DSC1: variants seen among roughly 807,000 people sequenced by gnomAD.
The protein encoded by DSC1 is desmocollin-1.
Under a neutral mutation model 98.8 loss-of-function variants are expected in DSC1, and 79 were observed. That is an observed-to-expected ratio of 0.80 (90% CI 0.67 to 0.96). The LOEUF (loss-of-function observed/expected upper bound fraction) is 0.96, where lower values mean the gene tolerates loss of function less well. Ranked by LOEUF, DSC1 falls within the 50% of genes least tolerant of loss-of-function variation. DSC1 has a pLI of 0.00. For synonymous variants in DSC1, 405 were observed against 372.1 expected (o/e 1.09, Z -1.02); for missense variants, 1,115 against 1,075.9 (o/e 1.04, Z -0.51).
Position 31,140,043 on chromosome 18 carries a change from T to G in DSC1, c.1519A>C (p.Arg507=), listed in dbSNP as rs1405927417. 6.2e-7 allele frequency: 1 copy of G among 1,613,564 alleles called. No homozygotes were observed. Among genetic ancestry groups the G allele is most frequent in the South Asian group, 1.1e-5 (1 of 91,012 alleles). The part of the protein sequence containing the change: ...DPEISSGEGL[R]YQKLGDEDNW... ...GGAGCTTTTTGAAAAGTACATCACC[T>G]TAAGCCTTCACCACTGGATATTTCC... The change falls in exon 10 of 16, where the codon AGG becomes CGG. Residue 507 remains arginine, a splice_region_variant and synonymous_variant. Coordinates refer to ENST00000257198, the MANE Select transcript of DSC1 (RefSeq NM_024421.2).
chr18:31,139,784 TG>T lies in DSC1; in HGVS notation c.1626del (p.Asn542LysfsTer22), dbSNP rs1988690687. On this transcript the variant is annotated frameshift_variant, in exon 11 of 16. Transcript: ENST00000257198. LOFTEE classifies it high-confidence loss of function. ...GCAACAACTGAAATATTGTATTGGT[TG>T]TTTTTTACAAATTTGGATTCTCTAT... ...VLDRESKFVK[N>X]NQYNISVVAV... The T allele has an allele frequency of 6.2e-7, 1 of 1,610,624 alleles. No homozygotes were observed. Among genetic ancestry groups the T allele is most frequent in the Non-Finnish European group, 8.5e-7 (1 of 1,178,874 alleles).
intron 1 of DSC1, among the ~76,000 whole-genome samples, chr18:31,161,202 G>GA (rs755405723): frequency 6.6e-6 from 1 of 152,016 alleles, no homozygotes; most frequent in East Asian, 1.9e-4. Context: ...TTTAGATATA[G>GA]AAAAAGTACA....
intron 5 of DSC1, among the ~76,000 whole-genome samples, chr18:31,151,396 A>C (rs1433986064): frequency 6.6e-6 from 1 of 152,220 alleles, no homozygotes; most frequent in Non-Finnish European, 1.5e-5. Context: ...TAAATATGTT[A>C]TTTAGTCAAC....
intron 14 of DSC1, chr18:31,132,357 C>T (rs1023425348): frequency 7.7e-6 from 4 of 519,528 alleles, no homozygotes; most frequent in Non-Finnish European, 9.8e-6. Flanking sequence ...CAATACTTGT[C>T]TGTTGTTTAA....
intron 15 of DSC1, 29 bp downstream of exon 15, chr18:31,131,565 A>G: frequency 6.2e-7 from 1 of 1,610,404 alleles, no homozygotes. Context: ...ACTTCCATGT[A>G]ATATGACCTC....
intron 7 of DSC1, among the ~76,000 whole-genome samples, chr18:31,145,244 C>G (rs1022517127): frequency 6.6e-6 from 1 of 152,080 alleles, no homozygotes; most frequent in Non-Finnish European, 1.5e-5. Flanking sequence ...GCCTGGCCCC[C>G]GTCTGTACTT....
In DSC1 at chr18:31,142,035, A is replaced by G; in HGVS notation, c.1224T>C (p.Asp408=). ...NENGNFIIST[D]PNTNEGVLCV... ...ACAGCACTCCTTCATTTGTATTTGG[A>G]TCTGTGCTAATTATGAAGTTTCCAT... The change falls in exon 9 of 16, where the codon GAT becomes GAC. Residue 408 remains aspartate (D), a synonymous_variant. Coordinates refer to ENST00000257198, the MANE Select transcript of DSC1 (RefSeq NM_024421.2). The G allele has an allele frequency of 1.9e-6, 3 of 1,610,648 alleles. No homozygotes were observed. Among genetic ancestry groups the G allele is most frequent in the Non-Finnish European group, 2.5e-6 (3 of 1,179,186 alleles).
rs1261109112 is a variant in DSC1 at position 31,139,890 on chromosome 18, C to T, written c.1521G>A (p.Arg507=). The change falls in exon 11 of 16, where the codon AGG becomes AGA. Residue 507 remains arginine, a splice_region_variant and synonymous_variant. Coordinates refer to ENST00000257198, the MANE Select transcript of DSC1 (RefSeq NM_024421.2). ...TATCTTCATCCCCTAACTTCTGATA[C>T]CTAATTTTTAGAAATCAAATATGAA... is the stretch of plus-strand genomic sequence containing the variant. ...DPEISSGEGL[R]YQKLGDEDNW... is the part of the protein sequence containing the mutation. The T allele has an allele frequency of 1.3e-6, 2 of 1,593,858 alleles. No individual in the cohort carries two copies. The highest frequency in any genetic ancestry group is 1.1e-5 in the South Asian group (1 of 87,502).
intron 13 of DSC1, among the ~76,000 whole-genome samples, chr18:31,133,299 G>T (rs1010762440): frequency 6.6e-6 from 1 of 152,052 alleles, no homozygotes; most frequent in African/African-American, 2.4e-5. Flanking sequence ...TTAATTAAGC[G>T]TGGGCAATAT....
intron 5 of DSC1, among the ~76,000 whole-genome samples, chr18:31,150,213 CCAT>C (rs1988940758): frequency 1.4e-5 from 2 of 145,718 alleles, no homozygotes; most frequent in South Asian, 4.5e-4. Flanking sequence ...ACCACCACCA[CCAT>C]CACCACCACT....
intron 11 of DSC1, among the ~76,000 whole-genome samples, chr18:31,137,607 G>C (rs769726437): frequency 1.6e-4 from 25 of 152,232 alleles, no homozygotes; most frequent in East Asian, 3.9e-4. Context: ...AAGCTTGTTA[G>C]GAGAACAGAA....
chr18:31,140,839 A>G (rs1226817557), intron 9 of DSC1, among the ~76,000 whole-genome samples: 2 of 152,194 alleles, frequency 1.3e-5, no homozygotes, highest in Non-Finnish European at 1.5e-5. Flanking sequence ...TCCCACCCAC[A>G]TCTCAACTTG....
chr18:31,162,189 C>G (rs1458698368), intron 1 of DSC1, among the ~76,000 whole-genome samples: 1 of 152,164 alleles, frequency 6.6e-6, no homozygotes, highest in Non-Finnish European at 1.5e-5. Flanking sequence ...TTTATGTAAT[C>G]ACTGGTAGCA....
At chr18:31,135,753 C>A (rs1658111) in intron 11 of DSC1, among the ~76,000 whole-genome samples, 85 of 151,948 alleles carry the variant, frequency 5.6e-4, no homozygotes, top group South Asian at 1.2e-3. Context: ...TGTCAAATCC[C>A]ACCATTTGTA....
intron 2 of DSC1, among the ~76,000 whole-genome samples, chr18:31,158,077 G>A (rs1989136414): frequency 1.3e-5 from 2 of 152,086 alleles, no homozygotes; most frequent in African/African-American, 4.8e-5. Context: ...GATCAGCCTG[G>A]CCAATATGGT....
At chr18:31,146,711 A>G (rs1486946869) in intron 6 of DSC1, among the ~76,000 whole-genome samples, 2 of 152,338 alleles carry the variant, frequency 1.3e-5, no homozygotes, top group East Asian at 3.9e-4. Flanking sequence ...CCAATGGCAT[A>G]TAAGTGTTCA....
Position 31,143,803 on chromosome 18 carries a change from G to T in DSC1, c.940-12C>A, listed in dbSNP as rs774155683. 1 of 1,538,010 alleles carries T rather than the reference G, an allele frequency of 6.5e-7. No individual in the cohort carries two copies. Among genetic ancestry groups the T allele is most frequent in the South Asian group, 1.3e-5 (1 of 77,082 alleles). ...TAAGTATCACATTTCTGAAAAAAAG[G>T]AAAAAACTACATTAATGAACACTTT... On this transcript the variant is annotated splice_polypyrimidine_tract_variant and intron_variant, in intron 7 of 15. Transcript: ENST00000257198.
At chr18:31,154,994 T>C in intron 4 of DSC1, 65 bp from the exon 5 acceptor site, 2 of 1,563,328 alleles carry the variant, frequency 1.3e-6, no homozygotes, top group Non-Finnish European at 1.7e-6. Context: ...TAACCTCTTG[T>C]GATGGTTTAT....
Position 31,132,746 on chromosome 18 carries a change from A to AT in DSC1, c.2117-58dup, listed in dbSNP as rs1443105983. The AT allele has an allele frequency of 1.1e-5, 16 of 1,517,562 alleles. No homozygotes were observed. In the East Asian group the frequency reaches 3.3e-4, roughly 31 times the overall value. 94.0% of individuals were successfully genotyped at this position (1,517,562 alleles called of 1,614,324 possible). A position where few individuals can be genotyped will look rare whatever the true frequency, so the allele number is the denominator to read the frequency against. On this transcript the variant is annotated intron_variant, in intron 13 of 15. Transcript: ENST00000257198. Reference sequence around the variant, plus strand: ...AGACATTAAATCATTTGATTACATGATTTTTTAAAGTCTTCTTGCATATGT... The same window carrying AT: ...AGACATTAAATCATTTGATTACATGATTTTTTTAAAGTCTTCTTGCATATGT...
Sources: allele counts gnomAD v4.1 joint callset (sites outside exome capture counted in the v4.1 genomes callset), GRCh38; gene constraint gnomAD v4.1.1; transcripts MANE v1.5; gene names NCBI Gene and HGNC (gene_info 2026-07-23, HGNC 2026-07-21).